DAB1: variants seen among roughly 807,000 people sequenced by gnomAD.
The protein encoded by DAB1 is disabled homolog 1.
DAB1 carries 15 observed loss-of-function variants against 64.6 expected under a neutral mutation model. That is an observed-to-expected ratio of 0.23 (90% CI 0.16 to 0.36). The LOEUF (loss-of-function observed/expected upper bound fraction) is 0.36. Ranked by LOEUF, DAB1 falls within the 10% of genes least tolerant of loss-of-function variation. The pLI is 1.00. For missense variants in DAB1, 596 were observed against 706.7 expected (o/e 0.84, Z 1.78); for synonymous variants, 235 against 251.9 (o/e 0.93, Z 0.64).
At chr1:57,493,420 A>G (rs1644189618) in intron 7 of DAB1, among the ~76,000 whole-genome samples, 2 of 152,180 alleles carry the variant, frequency 1.3e-5, no homozygotes, top group South Asian at 4.1e-4. Context: ...TACTTCATTT[A>G]TCATAATGCC....
intron 5 of DAB1, among the ~76,000 whole-genome samples, chr1:58,133,378 C>T (rs1653756377): frequency 6.6e-6 from 1 of 152,180 alleles, no homozygotes; most frequent in African/African-American, 2.4e-5. Flanking sequence ...TAGCTAATGC[C>T]TCATCTGATC....
chr1:57,792,468 A>G (rs1485528597), intron 6 of DAB1, among the ~76,000 whole-genome samples: 1 of 152,162 alleles, frequency 6.6e-6, no homozygotes, highest in Non-Finnish European at 1.5e-5. Context: ...CTATGTGCTA[A>G]AGTTTTCTAT....
intron 2 of DAB1, among the ~76,000 whole-genome samples, chr1:57,233,623 G>T (rs538223031): frequency 1.6e-4 from 25 of 151,638 alleles, no homozygotes; most frequent in Non-Finnish European, 2.5e-4. Flanking sequence ...GCTAGGCGTG[G>T]TGGCGGGCAC....
intron 3 of DAB1, among the ~76,000 whole-genome samples, chr1:58,409,525 T>C (rs1280436835): frequency 1.3e-5 from 2 of 152,182 alleles, no homozygotes. Flanking sequence ...TCTGTTGTTA[T>C]ATGCATCCAA....
intron 7 of DAB1, among the ~76,000 whole-genome samples, chr1:57,452,138 T>G (rs1686395138): frequency 6.8e-6 from 1 of 146,496 alleles, no homozygotes; most frequent in African/African-American, 2.6e-5. Context: ...ATTTAGAGCT[T>G]AGGATTTAGT....
At chr1:57,151,201 G>C (rs527477723) in intron 2 of DAB1, among the ~76,000 whole-genome samples, 2 of 152,238 alleles carry the variant, frequency 1.3e-5, no homozygotes, top group African/African-American at 4.8e-5. Flanking sequence ...TAATGACCCA[G>C]GTTTGTTGTG....
rs984066250 is a variant in DAB1, at chr1:57,053,197, G to A, written c.723+9687C>T. On this transcript the variant is annotated intron_variant, in intron 9 of 14. Transcript: ENST00000371236. Reference sequence around the variant, plus strand: ...CCCAAAGTGAGGAAAGAATCTTGGCGGGGGGTCTGATCATTCCTTTCAATT... The same window carrying A: ...CCCAAAGTGAGGAAAGAATCTTGGCAGGGGGTCTGATCATTCCTTTCAATT... Among the ~76,000 whole-genome samples the A allele has an allele frequency of 3.9e-5, 6 of 152,130 alleles. No homozygotes were observed. In the South Asian group the frequency reaches 1.2e-3, roughly 32 times the overall value.
chr1:57,465,837 C>G (rs535431460), intron 7 of DAB1, among the ~76,000 whole-genome samples: 1 of 152,106 alleles, frequency 6.6e-6, no homozygotes, highest in Non-Finnish European at 1.5e-5. Flanking sequence ...AGAGAAAAAA[C>G]TGAATGTAAA....
chr1:58,263,830 G>A (rs1661102481), intron 4 of DAB1, among the ~76,000 whole-genome samples: 1 of 152,162 alleles, frequency 6.6e-6, no homozygotes, highest in African/African-American at 2.4e-5. Context: ...AGCTCTATTA[G>A]TGTTATTTTC....
chr1:57,794,268 A>G (rs1650737980), intron 6 of DAB1, among the ~76,000 whole-genome samples: 1 of 152,192 alleles, frequency 6.6e-6, no homozygotes, highest in South Asian at 2.1e-4. Flanking sequence ...GGAAAATAGT[A>G]AACAAATTCT....
upstream of DAB1, among the ~76,000 whole-genome samples, chr1:57,426,687 GCAGCC>G (rs1685298147): frequency 6.6e-6 from 1 of 152,040 alleles, no homozygotes; most frequent in Non-Finnish European, 1.5e-5. Context: ...GACCTTCACA[GCAGCC>G]CATTGGGGAA....
chr1:57,247,374 A>T (rs569307384), intron 2 of DAB1, among the ~76,000 whole-genome samples: 52 of 152,148 alleles, frequency 3.4e-4, no homozygotes, highest in South Asian at 8.3e-4. Context: ...CCATGGTAAG[A>T]TGTGCTTGTT....
intron 6 of DAB1, among the ~76,000 whole-genome samples, chr1:57,669,080 G>A (rs1465462020): frequency 2.0e-5 from 3 of 151,972 alleles, no homozygotes; most frequent in Non-Finnish European, 4.4e-5. Flanking sequence ...CCTTACACCC[G>A]ATCCTGGGGA....
chr1:57,297,403 T>C (rs1673287518), intron 1 of DAB1, among the ~76,000 whole-genome samples: 1 of 152,134 alleles, frequency 6.6e-6, no homozygotes, highest in Admixed American at 6.5e-5. Flanking sequence ...TATAGCTGTT[T>C]TTAGGAAACA....
At chr1:57,395,022 A>ATGTTTTT (rs1682689031) in intron 1 of DAB1, among the ~76,000 whole-genome samples, 1 of 152,032 alleles carries the variant, frequency 6.6e-6, no homozygotes, top group Admixed American at 6.6e-5. Flanking sequence ...ACTAATATAT[A>ATGTTTTT]TGTTTTTTGT....
chr1:57,092,149 G>C (rs1162601331), intron 4 of DAB1, among the ~76,000 whole-genome samples: 1 of 152,182 alleles, frequency 6.6e-6, no homozygotes, highest in Admixed American at 6.5e-5. Context: ...ACCCCTTAGG[G>C]GGACATTGGT....
In DAB1 at chr1:57,165,680, T is replaced by C. The variant is rs1014109314; in HGVS notation, c.68-20251A>G. Among the ~76,000 whole-genome samples, 8 of 152,186 alleles carry C rather than the reference T, an allele frequency of 5.3e-5. No individual in the cohort carries two copies. The South Asian group carries it at 6.2e-4, about 12-fold the overall frequency. ...ATCTCAATTTATGCAGAGGAGGAAATAGGCTTTTTGAGATCAAGAAACTTG... is the reference window on the plus strand; with the variant it reads ...ATCTCAATTTATGCAGAGGAGGAAACAGGCTTTTTGAGATCAAGAAACTTG... On this transcript the variant is annotated intron_variant, in intron 2 of 14. Transcript: ENST00000371236.
intron 4 of DAB1, among the ~76,000 whole-genome samples, chr1:57,099,191 A>G (rs504971): frequency 0.16 from 23,825 of 152,172 alleles, 2,080 homozygotes; most frequent in Middle Eastern, 0.25. Context: ...ACAAGGAAAA[A>G]CAAACACAAT....
intron 3 of DAB1, among the ~76,000 whole-genome samples, chr1:58,401,153 A>G (rs1442509518): frequency 6.6e-6 from 1 of 152,180 alleles, no homozygotes; most frequent in Non-Finnish European, 1.5e-5. Context: ...ACATGAATCA[A>G]TTCATGCCAC....
Sources: allele counts gnomAD v4.1 joint callset (sites outside exome capture counted in the v4.1 genomes callset), GRCh38; gene constraint gnomAD v4.1.1; transcripts MANE v1.5; gene names NCBI Gene and HGNC (gene_info 2026-07-23, HGNC 2026-07-21).